YY1AP1: variants seen among roughly 807,000 people sequenced by gnomAD.
YY1AP1 encodes the protein YY1 associated protein 1.
In YY1AP1, 43 loss-of-function variants were observed where a neutral mutation model predicts 39.9. The observed-to-expected ratio is 1.08, with a 90% CI of 0.84 to 1.39. The LOEUF (loss-of-function observed/expected upper bound fraction) is 1.39, where lower values mean the gene tolerates loss of function less well. YY1AP1 is among the 40% of genes most tolerant of loss of function. The probability of loss-of-function intolerance (pLI) is 0.00; values close to 1 mark genes in which losing one functional copy is unlikely to be tolerated. For missense variants in YY1AP1, 813 were observed against 900.7 expected (o/e 0.90, Z 1.25); for synonymous variants, 292 against 331.3 (o/e 0.88, Z 1.29).
Position 155,661,289 on chromosome 1 carries a change from C to G in YY1AP1, c.996+18G>C. ...GTGACCTTCTGCCTCCTACAGACTT[C>G]GAGGAAGAGGGCTGTACCTTTAACC... On this transcript the variant is annotated intron_variant, in intron 10 of 10. Transcript: ENST00000355499. The G allele has an allele frequency of 5.0e-6, 8 of 1,613,924 alleles. No individual in the cohort carries two copies. The highest frequency in any genetic ancestry group is 6.8e-6 in the Non-Finnish European group (8 of 1,179,858).
At chr1:155,685,909 A>G (rs1332998112) in intron 2 of YY1AP1, among the ~76,000 whole-genome samples, 2 of 152,046 alleles carry the variant, frequency 1.3e-5, no homozygotes, top group African/African-American at 4.8e-5. Flanking sequence ...CCACTAATCT[A>G]GCCTATCAAG....
intron 1 of YY1AP1, 26 bp from the exon 2 acceptor site, chr1:155,688,227 G>A (rs772359176): frequency 3.7e-6 from 6 of 1,613,084 alleles, no homozygotes; most frequent in African/African-American, 2.7e-5. Flanking sequence ...GAGAGGAGAA[G>A]GGAAAGGTGG....
At chr1:155,676,272 C>T (rs549241254) in intron 5 of YY1AP1, among the ~76,000 whole-genome samples, 6 of 152,084 alleles carry the variant, frequency 3.9e-5, no homozygotes, top group African/African-American at 1.2e-4. Flanking sequence ...CTACTTGTCA[C>T]AGTGAAGGTT....
chr1:155,664,125 G>GA (rs749401754), intron 9 of YY1AP1, among the ~76,000 whole-genome samples: 244 of 129,358 alleles, frequency 1.9e-3, no homozygotes, highest in Admixed American at 2.5e-3. Flanking sequence ...CCCTGTCTCG[G>GA]AAAAAAAAAA....
chr1:155,673,962 C>T (rs1650229283), intron 6 of YY1AP1, among the ~76,000 whole-genome samples: 1 of 151,840 alleles, frequency 6.6e-6, no homozygotes, highest in Non-Finnish European at 1.5e-5. Context: ...GAGATCGAGA[C>T]CATCCCGGCT....
In YY1AP1 at chr1:155,688,387, T is replaced by C. The variant is rs1399334270; in HGVS notation, c.-151-186A>G. 2.6e-6 allele frequency: 4 copies of C among 1,543,148 alleles called. No homozygotes were observed. In the African/African-American group the frequency reaches 5.5e-5, roughly 21 times the overall value. ...CCAGAGGGAGGGAGCTAAGGGCGCC[T>C]AGCGACACCCCCAACCTCCCACTCC... On this transcript the variant is annotated intron_variant, in intron 1 of 10. Transcript: ENST00000355499.
At position 155,660,069 on chromosome 1, in the gene YY1AP1, G is replaced by A. The variant is rs1647806698; in HGVS notation, c.1841C>T (p.Ser614Leu). 3 of 1,614,100 alleles carry A rather than the reference G, an allele frequency of 1.9e-6. No individual in the cohort carries two copies. The highest frequency in any genetic ancestry group is 2.5e-6 in the Non-Finnish European group (3 of 1,180,042). Reference sequence around the variant, plus strand: ...AGAATTGCCAGAAACAATTAAGGGTGAGACAGAGGAGGCCACAAGGGGCTG... The same window carrying A: ...AGAATTGCCAGAAACAATTAAGGGTAAGACAGAGGAGGCCACAAGGGGCTG... ...LNQPLVASSVSPLIVSGNSVN... is the reference protein window; with the variant it reads ...LNQPLVASSVLPLIVSGNSVN... The change falls in exon 11 of 11, where the codon TCA becomes TTA. Residue 614 changes from serine (S) to leucine (L), a missense_variant. Physicochemically the swap from Ser to Leu is moderately radical, Grantham distance 145. Coordinates refer to ENST00000355499, the MANE Select transcript of YY1AP1 (RefSeq NM_139119.3).
At chr1:155,686,267 C>T (rs1262094331) in intron 2 of YY1AP1, among the ~76,000 whole-genome samples, 1 of 151,514 alleles carries the variant, frequency 6.6e-6, no homozygotes, top group African/African-American at 2.4e-5. Context: ...GATCTCCTGA[C>T]CTCGTGATTC....
At chr1:155,688,544 C>T (rs1653061415) in intron 1 of YY1AP1, 115 bp downstream of exon 1, 1 of 1,541,538 alleles carries the variant, frequency 6.5e-7, no homozygotes, top group African/African-American at 1.4e-5. Context: ...CCACCTTCGG[C>T]CGTCCTGCGA....
At chr1:155,662,135 A>G (rs1412766844) in intron 9 of YY1AP1, among the ~76,000 whole-genome samples, 1 of 152,142 alleles carries the variant, frequency 6.6e-6, no homozygotes, top group Non-Finnish European at 1.5e-5. Context: ...ACTTTAAGCA[A>G]ATGATGGTGT....
intron 3 of YY1AP1, 170 bp downstream of exon 3, chr1:155,680,246 G>A (rs1325557675): frequency 3.7e-6 from 2 of 541,184 alleles, no homozygotes; most frequent in Non-Finnish European, 6.3e-6. Context: ...GGATAATCAA[G>A]AGTCTAGCAG....
chr1:155,684,172 T>G (rs1400285107), intron 2 of YY1AP1, among the ~76,000 whole-genome samples: 1 of 152,044 alleles, frequency 6.6e-6, no homozygotes, highest in Non-Finnish European at 1.5e-5. Flanking sequence ...CACTTGAACC[T>G]GGGAGGCAGA....
intron 9 of YY1AP1, among the ~76,000 whole-genome samples, chr1:155,664,417 A>G (rs1648639837): frequency 6.6e-6 from 1 of 152,210 alleles, no homozygotes; most frequent in Non-Finnish European, 1.5e-5. Flanking sequence ...AACAAGGTAC[A>G]CAGTACAATA....
chr1:155,659,737 T>A lies in YY1AP1; in HGVS notation c.2173A>T (p.Asn725Tyr), dbSNP rs1353501339. ...LPQGIQESLNNSSPGDLEEVV... is the reference protein window; with the variant it reads ...LPQGIQESLNYSSPGDLEEVV... The stretch of plus-strand genomic sequence containing the variant: ...TCCTCTAAATCCCCAGGGGAAGAGT[T>A]GTTTAGAGACTCCTGGATGCCCTGA... Residue 725 changes from asparagine (N) to tyrosine (Y), a missense_variant, in exon 11 of 11, where the codon AAC becomes TAC. This residue lies in a region of YY1AP1 where 586 missense variants were observed against 647.4 expected (regional missense o/e 0.91). Coordinates refer to ENST00000355499, the MANE Select transcript of YY1AP1 (RefSeq NM_139119.3). The A allele has an allele frequency of 6.2e-7, 1 of 1,614,048 alleles. No homozygotes were observed. The highest frequency in any genetic ancestry group is 8.5e-7 in the Non-Finnish European group (1 of 1,180,030).
In YY1AP1 at chr1:155,672,418, G is replaced by A. The variant is rs1650001600; in HGVS notation, c.583+142C>T. ...ACTTGGATAATGAGTACAAAGGGAGGATAAAAGAGAGAAGGAAGAAATTAC... is the reference window on the plus strand; with the variant it reads ...ACTTGGATAATGAGTACAAAGGGAGAATAAAAGAGAGAAGGAAGAAATTAC... On this transcript the variant is annotated intron_variant, in intron 7 of 10. Transcript: ENST00000355499. 5 of 867,274 alleles carry A rather than the reference G, an allele frequency of 5.8e-6. No homozygotes were observed. The East Asian group carries it at 1.3e-4, about 23-fold the overall frequency. The allele number at this position is 867,274 out of a possible 1,614,324, so 53.7% of individuals were successfully genotyped here.
upstream of YY1AP1, chr1:155,688,935 T>C (rs1156375727): frequency 6.2e-7 from 1 of 1,612,892 alleles, no homozygotes; most frequent in Non-Finnish European, 8.5e-7. Context: ...CCTACCTCCC[T>C]GGGTTCGTCG....
Position 155,688,054 on chromosome 1 carries a change from C to A in YY1AP1, c.-21+17G>T, listed in dbSNP as rs201163853. ...GAGTGCTTAGGCCCGAATGCCGGCC[C>A]AAATCGTTCTACTCACCGTGTCGGA... On this transcript the variant is annotated intron_variant, in intron 2 of 10. Transcript: ENST00000355499. 702 of 1,558,774 alleles carry A rather than the reference C, an allele frequency of 4.5e-4. 2 individuals are homozygous for A. In the East Asian group the frequency reaches 0.015, roughly 32 times the overall value.
At chr1:155,670,936 G>GC in intron 7 of YY1AP1, 2 of 168,546 alleles carry the variant, frequency 1.2e-5, no homozygotes, top group Non-Finnish European at 2.6e-5. Flanking sequence ...CTCCTAAAGT[G>GC]TTGGATTACA....
intron 2 of YY1AP1, among the ~76,000 whole-genome samples, chr1:155,686,525 T>C (rs1426387368): frequency 1.3e-5 from 2 of 152,068 alleles, no homozygotes; most frequent in Admixed American, 1.3e-4. Flanking sequence ...TCAGATTGCA[T>C]CCAGGCTATT....
Sources: allele counts gnomAD v4.1 joint callset (sites outside exome capture counted in the v4.1 genomes callset), GRCh38; gene constraint gnomAD v4.1.1; regional missense constraint gnomAD v4.1.1; transcripts MANE v1.5; gene names NCBI Gene and HGNC (gene_info 2026-07-23, HGNC 2026-07-21).